The following GALNT17 variants were observed in gnomAD, a reference collection of about 807,000 sequenced individuals.
GALNT17 encodes UDP-GalNAc:polypeptide N-acetylgalactosaminyltransferase-like 3.
In GALNT17, 29 loss-of-function variants were observed where a neutral mutation model predicts 63.7. The ratio of observed to expected loss-of-function variants is 0.46; its 90% CI spans 0.34 to 0.62. The LOEUF (loss-of-function observed/expected upper bound fraction) is 0.62, where lower values mean the gene tolerates loss of function less well. Among genes scored for constraint, GALNT17 ranks in the 20% least tolerant of loss-of-function variants. The probability of loss-of-function intolerance (pLI) is 0.01; values close to 1 mark genes in which losing one functional copy is unlikely to be tolerated. For synonymous variants in GALNT17, 305 were observed against 318.3 expected, an observed-to-expected ratio of 0.96 and a Z score of 0.45; for missense variants, 603 against 799.6, an observed-to-expected ratio of 0.75 and a Z score of 2.97.
At chr7:71,651,874 G>A (rs1306412704) in intron 6 of GALNT17, among the ~76,000 whole-genome samples, 1 of 151,976 alleles carries the variant, frequency 6.6e-6, no homozygotes, top group East Asian at 1.9e-4. Flanking sequence ...TCCATGCCCA[G>A]CTAATTTTTA....
At chr7:71,671,204 C>A (rs372054926) in intron 8 of GALNT17, among the ~76,000 whole-genome samples, 10 of 152,230 alleles carry the variant, frequency 6.6e-5, no homozygotes, top group African/African-American at 2.2e-4. Context: ...GCATCCACCT[C>A]ATTCTCCCTT....
chr7:71,524,912 T>C (rs1400150510), intron 5 of GALNT17, among the ~76,000 whole-genome samples: 3 of 152,230 alleles, frequency 2.0e-5, no homozygotes, highest in African/African-American at 7.2e-5. Flanking sequence ...ACTGTGTTCA[T>C]TGTCAGAGCT....
intron 1 of GALNT17, among the ~76,000 whole-genome samples, chr7:71,186,531 A>G (rs547322299): frequency 9.9e-5 from 15 of 152,252 alleles, no homozygotes; most frequent in African/African-American, 3.4e-4. Context: ...AAGAGCTTAC[A>G]TTTCAGGCTT....
chr7:71,340,619 T>C (rs1423135857), intron 2 of GALNT17, among the ~76,000 whole-genome samples: 2 of 152,182 alleles, frequency 1.3e-5, no homozygotes, highest in Non-Finnish European at 2.9e-5. Context: ...ATAAAAGATG[T>C]TAACAACAAC....
At chr7:71,512,841 C>A (rs1788383584) in intron 5 of GALNT17, among the ~76,000 whole-genome samples, 1 of 152,198 alleles carries the variant, frequency 6.6e-6, no homozygotes, top group South Asian at 2.1e-4. Context: ...GAGAATCAGG[C>A]CTGAGGCCCA....
At chr7:71,286,259 C>G (rs1048146659) in intron 1 of GALNT17, among the ~76,000 whole-genome samples, 1 of 152,192 alleles carries the variant, frequency 6.6e-6, no homozygotes, top group South Asian at 2.1e-4. Context: ...GCTCTGCCCA[C>G]GTTGATTACT....
At chr7:71,505,508 G>A (rs558465369) in intron 5 of GALNT17, among the ~76,000 whole-genome samples, 1 of 152,284 alleles carries the variant, frequency 6.6e-6, no homozygotes, top group East Asian at 1.9e-4. Flanking sequence ...GCTGAAGTGG[G>A]AGGATTGCTT....
At chr7:71,231,902 A>T (rs1789796645) in intron 1 of GALNT17, among the ~76,000 whole-genome samples, 1 of 152,120 alleles carries the variant, frequency 6.6e-6, no homozygotes, top group Non-Finnish European at 1.5e-5. Context: ...AAATACCATG[A>T]CATTGCAGGG....
chr7:71,432,199 C>G (rs761444018), intron 5 of GALNT17, among the ~76,000 whole-genome samples: 6 of 152,036 alleles, frequency 3.9e-5, no homozygotes, highest in Non-Finnish European at 7.4e-5. Context: ...TGCAGAGATG[C>G]ATGAAGAGTC....
intron 5 of GALNT17, among the ~76,000 whole-genome samples, chr7:71,546,455 C>A (rs952109719): frequency 6.6e-6 from 1 of 152,156 alleles, no homozygotes; most frequent in Non-Finnish European, 1.5e-5. Context: ...AGCCACTGCG[C>A]CCAGCTGACA....
At position 71,708,900 on chromosome 7, in the gene GALNT17, T is replaced by G. The variant is rs1227322780; in HGVS notation, c.1501-1861T>G. On this transcript the variant is annotated intron_variant, in intron 9 of 10. Coordinates refer to ENST00000333538, the MANE Select transcript of GALNT17 (RefSeq NM_022479.3). ...TACAAAAGACATGATGCTGTTCTTT[T>G]TCATGGCTGTATTGTATTCCATGGT... Among the ~76,000 whole-genome samples, 7 of 152,348 alleles carry G rather than the reference T, an allele frequency of 4.6e-5. No homozygotes were observed. The East Asian group carries it at 1.4e-3, about 29-fold the overall frequency.
intron 1 of GALNT17, among the ~76,000 whole-genome samples, chr7:71,226,222 C>T (rs779069332): frequency 3.3e-5 from 5 of 152,150 alleles, no homozygotes; most frequent in Non-Finnish European, 5.9e-5. Flanking sequence ...GTGAGTAGGG[C>T]GCTTCTTTAA....
chr7:71,410,677 T>C (rs1456582853), intron 3 of GALNT17, among the ~76,000 whole-genome samples: 1 of 152,244 alleles, frequency 6.6e-6, no homozygotes, highest in Admixed American at 6.5e-5. Context: ...AGTGCGGGAT[T>C]GAGACAGAAT....
At chr7:71,173,164 T>C (rs980207861) in intron 1 of GALNT17, among the ~76,000 whole-genome samples, 2 of 151,628 alleles carry the variant, frequency 1.3e-5, no homozygotes, top group African/African-American at 4.8e-5. Flanking sequence ...CCTGGAGGGG[T>C]GTTATATATT....
chr7:71,222,985 A>G (rs1789614848), intron 1 of GALNT17, among the ~76,000 whole-genome samples: 1 of 152,138 alleles, frequency 6.6e-6, no homozygotes, highest in African/African-American at 2.4e-5. Flanking sequence ...ATGGGGGACC[A>G]TCACTTGAGC....
chr7:71,598,912 G>A (rs544694272), intron 6 of GALNT17, among the ~76,000 whole-genome samples: 3 of 152,058 alleles, frequency 2.0e-5, no homozygotes, highest in Non-Finnish European at 4.4e-5. Flanking sequence ...GGTCTTAGTT[G>A]ACCTGTCTAG....
intron 1 of GALNT17, among the ~76,000 whole-genome samples, chr7:71,134,557 A>T (rs563318517): frequency 6.3e-4 from 96 of 152,246 alleles, no homozygotes; most frequent in Middle Eastern, 3.4e-3. Flanking sequence ...TATCCAGGGG[A>T]TGCCTTGAAC....
rs188332478 is a variant in GALNT17 at position 71,189,968 on chromosome 7, G to A, written c.238+56928G>A. Among the ~76,000 whole-genome samples the A allele has an allele frequency of 3.4e-3, 520 of 152,028 alleles. 1 individual carries two copies. Among genetic ancestry groups the A allele is most frequent in the Non-Finnish European group, 5.2e-3 (355 of 67,994 alleles). On this transcript the variant is annotated intron_variant, in intron 1 of 10. Coordinates refer to ENST00000333538, the MANE Select transcript of GALNT17 (RefSeq NM_022479.3). ...TGGGACTACAGGTGCCTGCCACCAC[G>A]CCTGGCTAATTTTTTTGTACTTTTA...
chr7:71,691,488 G>T (rs954130206), intron 9 of GALNT17, among the ~76,000 whole-genome samples: 1 of 152,146 alleles, frequency 6.6e-6, no homozygotes, highest in Admixed American at 6.5e-5. Flanking sequence ...CTCAAGATAT[G>T]CCTGTATTTG....
Sources: gnomAD v4.1 joint callset for allele counts (sites outside exome capture counted in the v4.1 genomes callset) on GRCh38, gnomAD v4.1.1 for gene constraint, MANE v1.5 for transcripts, NCBI Gene and HGNC (gene_info 2026-07-23, HGNC 2026-07-21) for gene names.